GPBP1: variants seen among roughly 807,000 people sequenced by gnomAD.
GPBP1 encodes GC-rich promoter binding protein 1.
GPBP1 carries 13 observed loss-of-function variants against 56.5 expected under a neutral mutation model. The observed-to-expected ratio is 0.23, with a 90% confidence interval of 0.15 to 0.37. The LOEUF (loss-of-function observed/expected upper bound fraction) is 0.37. GPBP1 is among the 10% of genes least tolerant of loss of function. GPBP1 has a pLI of 1.00. For missense variants in GPBP1, 477 were observed against 572.3 expected, an observed-to-expected ratio of 0.83 and a Z score of 1.70; for synonymous variants, 204 against 188.9, an observed-to-expected ratio of 1.08 and a Z score of -0.66.
At chr5:57,188,109 T>G (rs909437899) in intron 2 of GPBP1, among the ~76,000 whole-genome samples, 2 of 151,808 alleles carry the variant, frequency 1.3e-5, no homozygotes, top group Non-Finnish European at 2.9e-5. Flanking sequence ...CTGGGCATGA[T>G]TGTGCACGCC....
intron 3 of GPBP1, among the ~76,000 whole-genome samples, chr5:57,225,491 C>CAAA (rs554699501): frequency 3.8e-3 from 145 of 37,814 alleles, no homozygotes; most frequent in African/African-American, 4.7e-3. Context: ...GATTCCTTCT[C>CAAA]AAAAAAAAAA....
intron 2 of GPBP1, among the ~76,000 whole-genome samples, chr5:57,197,183 A>G (rs977317897): frequency 6.6e-6 from 1 of 150,996 alleles, no homozygotes; most frequent in African/African-American, 2.4e-5. Context: ...CATCTAGCCC[A>G]TTTTTTTTTA....
At chr5:57,243,700 T>G (rs1393876048) in intron 6 of GPBP1, among the ~76,000 whole-genome samples, 1 of 151,044 alleles carries the variant, frequency 6.6e-6, no homozygotes, top group Non-Finnish European at 1.5e-5. Context: ...TCCTTGTTTT[T>G]GTTTTGAGAC....
chr5:57,192,790 A>G (rs1000092109), intron 2 of GPBP1, among the ~76,000 whole-genome samples: 2 of 150,436 alleles, frequency 1.3e-5, no homozygotes, highest in African/African-American at 4.9e-5. Flanking sequence ...AGTTACTTAC[A>G]TGTCTATTAC....
intron 9 of GPBP1, among the ~76,000 whole-genome samples, chr5:57,250,435 G>A (rs1741327181): frequency 1.3e-5 from 2 of 151,870 alleles, no homozygotes; most frequent in Admixed American, 1.3e-4. Context: ...TTTTAATTTT[G>A]CATTTGTTGT....
At chr5:57,259,187 A>G (rs372887988) in intron 10 of GPBP1, among the ~76,000 whole-genome samples, 1 of 152,246 alleles carries the variant, frequency 6.6e-6, no homozygotes, top group East Asian at 1.9e-4. Context: ...TGCAATACAT[A>G]CTAATTTGGG....
intron 2 of GPBP1, among the ~76,000 whole-genome samples, chr5:57,184,098 G>A (rs1754182654): frequency 6.6e-6 from 1 of 151,914 alleles, no homozygotes; most frequent in Non-Finnish European, 1.5e-5. Flanking sequence ...CGGGCGTGGT[G>A]GTGCATACCT....
intron 10 of GPBP1, among the ~76,000 whole-genome samples, chr5:57,253,157 T>C (rs1741473086): frequency 6.6e-6 from 1 of 152,192 alleles, no homozygotes; most frequent in African/African-American, 2.4e-5. Flanking sequence ...TAAAAGCAGG[T>C]ATTTTTGCAG....
chr5:57,249,423 T>C lies in GPBP1; in HGVS notation c.819T>C (p.Asn273=), dbSNP rs768265424. The change falls in exon 9 of 12, where the codon AAT becomes AAC. Residue 273 remains asparagine (N), a synonymous_variant. Transcript: ENST00000506184. The part of the protein sequence containing the change: ...TNSVKECNRS[N]SSSPVDKLNQ... Reference sequence around the variant, plus strand: ...TTTCCTCTTAGTGTAATCGCTCAAATTCCTCTTCTCCTGTTGACAAACTTA... The same window carrying C: ...TTTCCTCTTAGTGTAATCGCTCAAACTCCTCTTCTCCTGTTGACAAACTTA... The C allele has an allele frequency of 8.1e-6, 13 of 1,599,048 alleles. No individual in the cohort carries two copies. Among genetic ancestry groups the C allele is most frequent in the Admixed American group, 1.8e-5 (1 of 55,776 alleles).
chr5:57,225,044 TAGG>T (rs1756119280), intron 3 of GPBP1, among the ~76,000 whole-genome samples: 1 of 152,066 alleles, frequency 6.6e-6, no homozygotes, highest in Non-Finnish European at 1.5e-5. Context: ...TAGGTTCAAG[TAGG>T]AGATTTTCTT....
chr5:57,219,401 AAAC>A lies in GPBP1; in HGVS notation c.63+5209_63+5211del, dbSNP rs1304375460. Among the ~76,000 whole-genome samples, 11 of 53,058 alleles carry A rather than the reference AAAC, an allele frequency of 2.1e-4. 1 individual carries two copies. The East Asian group carries it at 0.014, about 68-fold the overall frequency. The allele number at this position is 53,058 out of a possible 152,430, so 34.8% of individuals were successfully genotyped here. A position where few individuals can be genotyped will look rare whatever the true frequency, so the allele number is the denominator to read the frequency against. On this transcript the variant is annotated intron_variant, in intron 3 of 11. Transcript: ENST00000506184. ...AAAAAAAAAAAAAAAAAAAAAAAAAAAACCAAAAACAAACAAACAAAAAAAAAA... is the reference window on the plus strand; with the variant it reads ...AAAAAAAAAAAAAAAAAAAAAAAAAACAAAAACAAACAAACAAAAAAAAAA...
rs551512780 is a variant in GPBP1, at chr5:57,228,640, T to C, written c.64-2206T>C. ...AGATCCCCTCCATTCTTTATTTTAC[T>C]CAGATTTCAGCGGGGGAAATTTTTT... On this transcript the variant is annotated intron_variant, in intron 3 of 11. Transcript: ENST00000506184. 2.6e-5 allele frequency among the ~76,000 whole-genome samples: 4 copies of C among 151,956 alleles called. No homozygotes were observed. The East Asian group carries it at 7.7e-4, about 29-fold the overall frequency.
chr5:57,262,025 G>A (rs989748828), intron 11 of GPBP1, among the ~76,000 whole-genome samples: 4 of 152,066 alleles, frequency 2.6e-5, no homozygotes, highest in African/African-American at 4.8e-5. Flanking sequence ...GGGGCTACTG[G>A]CTTGTGCCAC....
chr5:57,255,336 G>A (rs1014158903), intron 10 of GPBP1, among the ~76,000 whole-genome samples: 3 of 151,844 alleles, frequency 2.0e-5, no homozygotes, highest in African/African-American at 4.8e-5. Context: ...GTGTAAATGT[G>A]TAGGTAACAG....
At chr5:57,209,738 T>A (rs1755394315) in intron 2 of GPBP1, among the ~76,000 whole-genome samples, 1 of 152,194 alleles carries the variant, frequency 6.6e-6, no homozygotes, top group South Asian at 2.1e-4. Flanking sequence ...TCTGCATCAA[T>A]TAAGATGATC....
At chr5:57,234,377 T>A (rs1756582441) in intron 5 of GPBP1, among the ~76,000 whole-genome samples, 1 of 152,180 alleles carries the variant, frequency 6.6e-6, no homozygotes, top group Non-Finnish European at 1.5e-5. Flanking sequence ...TGAATATCAC[T>A]TGTTGAAATA....
chr5:57,177,588 T>A (rs1753841039), intron 2 of GPBP1, among the ~76,000 whole-genome samples: 1 of 150,814 alleles, frequency 6.6e-6, no homozygotes, highest in Non-Finnish European at 1.5e-5. Context: ...ATTCTCCTGC[T>A]TCAGCCTCCC....
rs1272834449 is a variant in GPBP1 at position 57,214,821 on chromosome 5, A to C, written c.63+628A>C. On this transcript the variant is annotated intron_variant, in intron 3 of 11. Transcript: ENST00000506184. Reference sequence around the variant, plus strand: ...CAGGTGTGGGTCACCATGCCTGACTAATTTTTGTATTTTTATTAATAGTAG... The same window carrying C: ...CAGGTGTGGGTCACCATGCCTGACTCATTTTTGTATTTTTATTAATAGTAG... 2.0e-5 allele frequency among the ~76,000 whole-genome samples: 3 copies of C among 151,916 alleles called. No individual in the cohort carries two copies. The South Asian group carries it at 6.2e-4, about 32-fold the overall frequency.
At chr5:57,218,551 TGGGTG>T (rs1755797313) in intron 3 of GPBP1, among the ~76,000 whole-genome samples, 1 of 152,162 alleles carries the variant, frequency 6.6e-6, no homozygotes, top group Non-Finnish European at 1.5e-5. Context: ...AATTGGTCTA[TGGGTG>T]GTGGGGCTGA....
Sources: gnomAD v4.1 joint callset for allele counts (sites outside exome capture counted in the v4.1 genomes callset) on GRCh38, gnomAD v4.1.1 for gene constraint, MANE v1.5 for transcripts, NCBI Gene and HGNC (gene_info 2026-07-23, HGNC 2026-07-21) for gene names.